The following MAGI2 variants were observed in gnomAD, a reference collection of about 807,000 sequenced individuals.
MAGI2 encodes the protein membrane-associated guanylate kinase, WW and PDZ domain-containing protein 2.
MAGI2 carries 35 observed loss-of-function variants against 133.3 expected under a neutral mutation model. The ratio of observed to expected loss-of-function variants is 0.26; its 90% CI spans 0.20 to 0.35. MAGI2 has a LOEUF of 0.35. Ranked by LOEUF, MAGI2 falls within the 10% of genes least tolerant of loss-of-function variation. The probability of loss-of-function intolerance (pLI) is 1.00; values close to 1 mark genes in which losing one functional copy is unlikely to be tolerated. For synonymous variants in MAGI2, 729 were observed against 710.6 expected (o/e 1.03, Z -0.41); for missense variants, 1,636 against 1,863.4 (o/e 0.88, Z 2.25).
chr7:79,033,251 T>C (rs540309651), intron 1 of MAGI2, among the ~76,000 whole-genome samples: 2 of 152,320 alleles, frequency 1.3e-5, no homozygotes, highest in South Asian at 4.1e-4. Flanking sequence ...TGCTTCAAAA[T>C]AAAGCTTAAC....
chr7:78,272,408 T>G (rs538270831), intron 9 of MAGI2, among the ~76,000 whole-genome samples: 156 of 152,362 alleles, frequency 1.0e-3, no homozygotes, highest in Non-Finnish European at 1.9e-3. Context: ...GAGAAGAATG[T>G]ATATTCTGTT....
intron 1 of MAGI2, among the ~76,000 whole-genome samples, chr7:79,195,989 A>T (rs538522660): frequency 4.6e-5 from 7 of 152,028 alleles, no homozygotes; most frequent in Non-Finnish European, 1.0e-4. Flanking sequence ...TTGAGGAGAT[A>T]TTGGTCAGAG....
chr7:78,022,641 T>G (rs1808509895), intron 21 of MAGI2, among the ~76,000 whole-genome samples: 1 of 152,214 alleles, frequency 6.6e-6, no homozygotes, highest in Non-Finnish European at 1.5e-5. Flanking sequence ...GATCTTATCC[T>G]TAAGCAGAAG....
intron 9 of MAGI2, among the ~76,000 whole-genome samples, chr7:78,336,853 A>G (rs549257667): frequency 2.0e-5 from 3 of 152,268 alleles, no homozygotes; most frequent in African/African-American, 4.8e-5. Flanking sequence ...CTCTCAGGAC[A>G]CTTTCTTGTG....
chr7:78,923,978 T>C (rs1466440961), intron 2 of MAGI2, among the ~76,000 whole-genome samples: 1 of 152,204 alleles, frequency 6.6e-6, no homozygotes, highest in Admixed American at 6.5e-5. Context: ...AGTTCACTCA[T>C]GATTTGGCTC....
At chr7:78,216,604 A>G (rs186210634) in intron 10 of MAGI2, among the ~76,000 whole-genome samples, 1 of 152,230 alleles carries the variant, frequency 6.6e-6, no homozygotes, top group Admixed American at 6.5e-5. Flanking sequence ...TCTTACCACA[A>G]GGTCATTGAG....
intron 6 of MAGI2, among the ~76,000 whole-genome samples, chr7:78,468,468 T>G (rs867557671): frequency 1.7e-4 from 26 of 152,128 alleles, no homozygotes; most frequent in Non-Finnish European, 3.8e-4. Context: ...ATATATTATA[T>G]ATGTATATAA....
chr7:78,414,765 A>G (rs1798154992), intron 6 of MAGI2, among the ~76,000 whole-genome samples: 1 of 152,060 alleles, frequency 6.6e-6, no homozygotes, highest in Non-Finnish European at 1.5e-5. Context: ...GTTTGGTGAA[A>G]AAGTGACTTC....
intron 2 of MAGI2, among the ~76,000 whole-genome samples, chr7:78,691,611 C>G (rs1206515295): frequency 1.3e-5 from 2 of 152,208 alleles, no homozygotes; most frequent in Middle Eastern, 3.4e-3. Flanking sequence ...ATTCTAGGAA[C>G]TGCAAGAAGT....
chr7:79,087,550 G>A (rs531722835), intron 1 of MAGI2, among the ~76,000 whole-genome samples: 2 of 151,884 alleles, frequency 1.3e-5, no homozygotes, highest in African/African-American at 4.8e-5. Context: ...GTCAGTGTAA[G>A]GCAGTTAATA....
chr7:78,132,787 A>G (rs1821703663), intron 18 of MAGI2, 102 bp downstream of exon 18: 2 of 1,540,460 alleles, frequency 1.3e-6, no homozygotes, highest in African/African-American at 1.4e-5. Flanking sequence ...TTTCTACTTT[A>G]TAAAAGTCTC....
chr7:79,032,721 A>C (rs1040095613), intron 1 of MAGI2, among the ~76,000 whole-genome samples: 2 of 151,972 alleles, frequency 1.3e-5, no homozygotes, highest in African/African-American at 4.8e-5. Flanking sequence ...CATTAGTAAA[A>C]GGAAAGAGTT....
At chr7:78,539,467 G>C (rs745338455) in intron 3 of MAGI2, among the ~76,000 whole-genome samples, 15 of 145,606 alleles carry the variant, frequency 1.0e-4, no homozygotes, top group Non-Finnish European at 2.2e-4. Flanking sequence ...ATATTGGTCT[G>C]TAGTTTTTTT....
At chr7:78,649,040 T>C (rs1195219621) in intron 2 of MAGI2, among the ~76,000 whole-genome samples, 1 of 151,614 alleles carries the variant, frequency 6.6e-6, no homozygotes, top group East Asian at 1.9e-4. Context: ...TCAGCACCAA[T>C]GTGGTGATTA....
intron 7 of MAGI2, among the ~76,000 whole-genome samples, chr7:78,366,439 T>C (rs1793386451): frequency 6.6e-6 from 1 of 152,174 alleles, no homozygotes; most frequent in South Asian, 2.1e-4. Flanking sequence ...ACACTCTACA[T>C]ACTGAAAGTG....
intron 9 of MAGI2, among the ~76,000 whole-genome samples, chr7:78,338,653 A>T (rs185918089): frequency 4.2e-4 from 64 of 152,290 alleles, no homozygotes; most frequent in Middle Eastern, 3.4e-3. Flanking sequence ...CTCTATTATA[A>T]CATGTGGGAT....
chr7:79,003,792 A>T (rs748071953), intron 2 of MAGI2, among the ~76,000 whole-genome samples: 3 of 152,240 alleles, frequency 2.0e-5, no homozygotes, highest in Non-Finnish European at 2.9e-5. Flanking sequence ...TGGGCAAATG[A>T]CATGAACAGA....
intron 1 of MAGI2, chr7:79,415,483 GGCACTCCTTCCCAGATA>G (rs1846435555): frequency 6.6e-6 from 1 of 152,094 alleles, no homozygotes; most frequent in Non-Finnish European, 1.5e-5. Flanking sequence ...AGAGTTCAAA[GGCACTCCTTCCCAGATA>G]GCTGCCTTAG....
chr7:78,657,140 T>A (rs1812391130), intron 2 of MAGI2, among the ~76,000 whole-genome samples: 1 of 152,172 alleles, frequency 6.6e-6, no homozygotes, highest in Non-Finnish European at 1.5e-5. Context: ...TACTACTACA[T>A]GTCTATTAGA....
Sources: allele counts gnomAD v4.1 joint callset (sites outside exome capture counted in the v4.1 genomes callset), GRCh38; gene constraint gnomAD v4.1.1; transcripts MANE v1.5; gene names NCBI Gene and HGNC (gene_info 2026-07-23, HGNC 2026-07-21).